Variants in ANKRD11 observed in about 807,000 individuals in gnomAD.
ANKRD11 encodes the protein ankyrin repeat domain 11, also known as ankyrin repeat domain-containing protein 11.
Under a neutral mutation model 195.7 loss-of-function variants are expected in ANKRD11, and 17 were observed. That is an observed-to-expected ratio of 0.09 (90% CI 0.06 to 0.13). The LOEUF is 0.13. Among genes scored for constraint, ANKRD11 ranks in the 10% least tolerant of loss-of-function variants. The probability of loss-of-function intolerance (pLI) is 1.00; values close to 1 mark genes in which losing one functional copy is unlikely to be tolerated. For synonymous variants in ANKRD11, 1,953 were observed against 1,528.1 expected, an observed-to-expected ratio of 1.28 and a Z score of -6.49; for missense variants, 3,735 against 3,566.1, an observed-to-expected ratio of 1.05 and a Z score of -1.21.
Position 89,310,775 on chromosome 16 carries a change from G to A in ANKRD11, c.88-5431C>T, listed in dbSNP as rs538935812. On this transcript the variant is annotated intron_variant, in intron 3 of 12. Transcript: ENST00000301030. ...ATTTAGAAATACACTTCTGCATAATGGGTTTGCACTGGAACACCATGCTAC... is the reference window on the plus strand; with the variant it reads ...ATTTAGAAATACACTTCTGCATAATAGGTTTGCACTGGAACACCATGCTAC... Among the ~76,000 whole-genome samples, 3 of 152,288 alleles carry A rather than the reference G, an allele frequency of 2.0e-5. No individual in the cohort carries two copies. In the South Asian group the frequency reaches 6.2e-4, roughly 32 times the overall value.
Position 89,373,156 on chromosome 16 carries a change from TG to T in ANKRD11, c.-60+45127del, listed in dbSNP as rs1321006900. On this transcript the variant is annotated intron_variant, in intron 2 of 12. Transcript: ENST00000301030. ...TGCCCTGTGGGAATGACAGAAGCAA[TG>T]GAAAAGGCCTTCACAGATCATCCAA... is the stretch of plus-strand genomic sequence containing the variant. 7.9e-5 allele frequency: 12 copies of T among 152,360 alleles called. No homozygotes were observed. The East Asian group carries it at 1.9e-3, about 24-fold the overall frequency. The allele number at this position is 152,360 out of a possible 1,614,324, so 9.4% of individuals were successfully genotyped here.
At chr16:89,294,805 ACCTGGAGCCGTGTGCC>A (rs963022894) in intron 4 of ANKRD11, among the ~76,000 whole-genome samples, 4 of 152,264 alleles carry the variant, frequency 2.6e-5, no homozygotes, top group African/African-American at 9.6e-5. Flanking sequence ...GCCTGGGATG[ACCTGGAGCCGTGTGCC>A]CCTGAGAAAC....
chr16:89,331,920 T>A (rs1182730600), intron 2 of ANKRD11, among the ~76,000 whole-genome samples: 1 of 152,206 alleles, frequency 6.6e-6, no homozygotes, highest in Non-Finnish European at 1.5e-5. Flanking sequence ...GGGCCCCACA[T>A]GCTGGGAACC....
intron 1 of ANKRD11, among the ~76,000 whole-genome samples, chr16:89,418,872 C>A (rs1443836863): frequency 2.0e-5 from 3 of 151,510 alleles, no homozygotes; most frequent in Admixed American, 6.6e-5. Flanking sequence ...TGGGTTCAAG[C>A]GATTCTCCTA....
chr16:89,315,472 G>A (rs1375067116), intron 3 of ANKRD11, among the ~76,000 whole-genome samples: 1 of 152,080 alleles, frequency 6.6e-6, no homozygotes, highest in Non-Finnish European at 1.5e-5. Flanking sequence ...ACCTCCTCAG[G>A]AGCTCAGCAG....
rs76982362 is a variant in ANKRD11, at chr16:89,419,832, C to G, written c.-144-1464G>C. 2.9e-4 allele frequency among the ~76,000 whole-genome samples: 44 copies of G among 152,328 alleles called. No homozygotes were observed. The East Asian group carries it at 8.1e-3, about 28-fold the overall frequency. On this transcript the variant is annotated intron_variant, in intron 1 of 12. Transcript: ENST00000301030. The stretch of plus-strand genomic sequence containing the variant: ...TGGAGTGAGGTTTTTCCTCCTTACA[C>G]TCCTGGACAGGATTGTTCAAAGCTG...
At chr16:89,457,638 G>A (rs541186715) in intron 1 of ANKRD11, among the ~76,000 whole-genome samples, 1 of 150,672 alleles carries the variant, frequency 6.6e-6, no homozygotes, top group African/African-American at 2.4e-5. Flanking sequence ...TCTAAAATAA[G>A]CAAAACTAAT....
At chr16:89,268,851 A>T (rs979185942) in intron 12 of ANKRD11, among the ~76,000 whole-genome samples, 188 bp from the exon 13 acceptor site, 8 of 152,210 alleles carry the variant, frequency 5.3e-5, no homozygotes, top group Non-Finnish European at 8.8e-5. Flanking sequence ...CAGCTGTGCT[A>T]CATGTCTGTC....
intron 1 of ANKRD11, among the ~76,000 whole-genome samples, chr16:89,482,905 C>G (rs991368884): frequency 3.0e-4 from 45 of 152,348 alleles, no homozygotes; most frequent in African/African-American, 9.4e-4. Context: ...AAGACAAGAA[C>G]ACAGATTCTC....
At chr16:89,384,509 GGGACGACATGGAACA>G (rs1366711282) in intron 2 of ANKRD11, among the ~76,000 whole-genome samples, 2 of 151,502 alleles carry the variant, frequency 1.3e-5, no homozygotes, top group Non-Finnish European at 2.9e-5. Flanking sequence ...GGGACAGGAT[GGGACGACATGGAACA>G]GGATGGGATG....
intron 2 of ANKRD11, among the ~76,000 whole-genome samples, chr16:89,379,038 T>C (rs1200407102): frequency 6.6e-6 from 1 of 152,202 alleles, no homozygotes; most frequent in Non-Finnish European, 1.5e-5. Flanking sequence ...GCTGAGGCAT[T>C]CACTGTCGCT....
intron 1 of ANKRD11, among the ~76,000 whole-genome samples, chr16:89,489,360 G>A (rs893796841): frequency 2.0e-5 from 3 of 151,786 alleles, no homozygotes; most frequent in African/African-American, 7.3e-5. Flanking sequence ...AAGGGCTGCT[G>A]TTGCAGCCGC....
chr16:89,363,679 G>A (rs541332785), intron 2 of ANKRD11, among the ~76,000 whole-genome samples: 4 of 152,140 alleles, frequency 2.6e-5, no homozygotes, highest in Non-Finnish European at 4.4e-5. Context: ...GCTGCTTCCC[G>A]TGTATGTGGC....
chr16:89,288,727 T>C (rs2034825251), intron 6 of ANKRD11, 57 bp from the exon 7 acceptor site: 1 of 1,611,018 alleles, frequency 6.2e-7, no homozygotes, highest in Non-Finnish European at 8.5e-7. Context: ...CCCTCCTGTC[T>C]CTGGAGGCAG....
At chr16:89,341,655 C>T (rs2038665843) in intron 2 of ANKRD11, among the ~76,000 whole-genome samples, 1 of 152,232 alleles carries the variant, frequency 6.6e-6, no homozygotes, top group Non-Finnish European at 1.5e-5. Flanking sequence ...GGGAGCAATG[C>T]CACGTATGCA....
chr16:89,331,644 C>G (rs2038073784), intron 2 of ANKRD11, among the ~76,000 whole-genome samples: 1 of 151,974 alleles, frequency 6.6e-6, no homozygotes, highest in South Asian at 2.1e-4. Flanking sequence ...TATTTAGGTA[C>G]AGGGTCTCCT....
intron 2 of ANKRD11, among the ~76,000 whole-genome samples, chr16:89,384,814 G>A (rs556412735): frequency 6.7e-6 from 1 of 150,104 alleles, no homozygotes; most frequent in African/African-American, 2.4e-5. Context: ...CAACAGAACC[G>A]CTGCAGGTGA....
chr16:89,445,486 A>T (rs2043745048), intron 1 of ANKRD11, among the ~76,000 whole-genome samples: 1 of 152,122 alleles, frequency 6.6e-6, no homozygotes, highest in Non-Finnish European at 1.5e-5. Context: ...ACCTAGGACC[A>T]GTGCCCCAGC....
intron 7 of ANKRD11, chr16:89,286,398 T>G (rs999099512): frequency 1.4e-6 from 1 of 715,236 alleles, no homozygotes; most frequent in African/African-American, 1.8e-5. Context: ...TGGGAAGGGC[T>G]GCAGCCGCGG....
Sources: gnomAD v4.1 joint callset for allele counts (sites outside exome capture counted in the v4.1 genomes callset) on GRCh38, gnomAD v4.1.1 for gene constraint, MANE v1.5 for transcripts, NCBI Gene and HGNC (gene_info 2026-07-23, HGNC 2026-07-21) for gene names.